ENOX1: variants seen among roughly 807,000 people sequenced by gnomAD.
ENOX1 encodes ecto-NOX disulfide-thiol exchanger 1, also known as candidate growth-related and time keeping constitutive hydroquinone (NADH) oxidase.
A neutral mutation model predicts 82.5 loss-of-function variants in ENOX1; 42 were observed. That is an observed-to-expected ratio of 0.51 (90% confidence interval 0.40 to 0.66). ENOX1 has a LOEUF of 0.66. Among genes scored for constraint, ENOX1 ranks in the 30% least tolerant of loss-of-function variants. ENOX1 has a pLI of 0.00. For synonymous variants in ENOX1, 271 were observed against 282.2 expected, an observed-to-expected ratio of 0.96 and a Z score of 0.40; for missense variants, 608 against 811.6, an observed-to-expected ratio of 0.75 and a Z score of 3.05.
At chr13:43,290,759 G>T (rs115646138) in intron 12 of ENOX1, among the ~76,000 whole-genome samples, 2,308 of 152,312 alleles carry the variant, frequency 0.015, 59 homozygotes, top group African/African-American at 0.053. Context: ...GGGTGCAGCG[G>T]CTCCCGCCTG....
intron 1 of ENOX1, among the ~76,000 whole-genome samples, chr13:43,771,014 T>C (rs1287391127): frequency 2.0e-5 from 3 of 152,132 alleles, no homozygotes; most frequent in Admixed American, 1.3e-4. Context: ...ATTATAAAAT[T>C]CCATGATGAA....
At chr13:43,295,893 C>T (rs1052128530) in intron 12 of ENOX1, among the ~76,000 whole-genome samples, 8 of 152,126 alleles carry the variant, frequency 5.3e-5, no homozygotes, top group Non-Finnish European at 8.8e-5. Flanking sequence ...AGCCATACAC[C>T]GCCTAACAAC....
At chr13:43,264,478 T>C (rs994493177) in intron 14 of ENOX1, among the ~76,000 whole-genome samples, 10 of 152,220 alleles carry the variant, frequency 6.6e-5, no homozygotes, top group African/African-American at 2.4e-4. Context: ...ATGTTAAATA[T>C]CTGCTGGGTA....
chr13:43,667,079 G>A (rs1462583946), intron 2 of ENOX1, among the ~76,000 whole-genome samples: 2 of 152,204 alleles, frequency 1.3e-5, no homozygotes, highest in East Asian at 3.9e-4. Context: ...AATTTAGAAG[G>A]ATAACTTTAG....
intron 2 of ENOX1, among the ~76,000 whole-genome samples, chr13:43,652,341 T>G (rs753096698): frequency 4.6e-5 from 7 of 152,158 alleles, no homozygotes; most frequent in Non-Finnish European, 1.0e-4. Flanking sequence ...AACTTAAGTT[T>G]TGAGTCAATG....
chr13:43,400,391 T>G (rs2053427149), intron 5 of ENOX1, among the ~76,000 whole-genome samples: 1 of 152,252 alleles, frequency 6.6e-6, no homozygotes, highest in Non-Finnish European at 1.5e-5. Flanking sequence ...CTCTGCATTC[T>G]GGACTTCCCA....
intron 8 of ENOX1, among the ~76,000 whole-genome samples, chr13:43,354,451 C>G (rs567013252): frequency 1.3e-5 from 2 of 150,872 alleles, no homozygotes; most frequent in East Asian, 3.9e-4. Context: ...ATTGGAAGCA[C>G]AGCACCCCCG....
intron 2 of ENOX1, among the ~76,000 whole-genome samples, chr13:43,491,356 G>T (rs1397897313): frequency 6.6e-6 from 1 of 152,060 alleles, no homozygotes. Context: ...GATTTGGAGG[G>T]GACAAACATC....
At chr13:43,337,250 A>G (rs2048766249) in intron 9 of ENOX1, among the ~76,000 whole-genome samples, 1 of 152,166 alleles carries the variant, frequency 6.6e-6, no homozygotes, top group Non-Finnish European at 1.5e-5. Flanking sequence ...TAGGTCTTCT[A>G]TGTGCTTACA....
At chr13:43,562,668 G>C (rs1056299792) in intron 2 of ENOX1, among the ~76,000 whole-genome samples, 13 of 152,068 alleles carry the variant, frequency 8.5e-5, no homozygotes, top group African/African-American at 2.7e-4. Flanking sequence ...CACCTATAAA[G>C]ACACACATAG....
At chr13:43,689,056 T>G (rs768861841) in intron 1 of ENOX1, among the ~76,000 whole-genome samples, 2 of 152,138 alleles carry the variant, frequency 1.3e-5, no homozygotes, top group African/African-American at 2.4e-5. Context: ...GATGGCAGCA[T>G]CCATCCTACT....
chr13:43,513,467 T>C (rs2077446165), intron 2 of ENOX1, among the ~76,000 whole-genome samples: 1 of 152,172 alleles, frequency 6.6e-6, no homozygotes, highest in Admixed American at 6.5e-5. Flanking sequence ...CACTCTTCTA[T>C]GATCATTTAT....
chr13:43,672,642 A>C (rs2085323522), intron 1 of ENOX1, among the ~76,000 whole-genome samples: 1 of 152,198 alleles, frequency 6.6e-6, no homozygotes, highest in South Asian at 2.1e-4. Flanking sequence ...CTCATATTAT[A>C]TCTGCATATC....
chr13:43,765,753 C>T (rs554252612), intron 1 of ENOX1, among the ~76,000 whole-genome samples: 95 of 152,160 alleles, frequency 6.2e-4, no homozygotes, highest in African/African-American at 2.2e-3. Flanking sequence ...CTTTATAACT[C>T]GGAAAATAAT....
At chr13:43,578,262 G>C (rs1217820833) in intron 2 of ENOX1, among the ~76,000 whole-genome samples, 1 of 152,100 alleles carries the variant, frequency 6.6e-6, no homozygotes, top group Non-Finnish European at 1.5e-5. Flanking sequence ...TCCTGTGGCT[G>C]AGAAAGATTT....
chr13:43,332,828 A>C (rs1177598826), intron 9 of ENOX1, among the ~76,000 whole-genome samples: 1 of 152,122 alleles, frequency 6.6e-6, no homozygotes, highest in Non-Finnish European at 1.5e-5. Context: ...CTACTGACTA[A>C]ATGAAAGTAA....
intron 11 of ENOX1, among the ~76,000 whole-genome samples, chr13:43,318,365 T>A (rs957520843): frequency 6.6e-6 from 1 of 152,202 alleles, no homozygotes; most frequent in African/African-American, 2.4e-5. Flanking sequence ...TTTTTTCAAA[T>A]GAGTCTTACA....
At chr13:43,710,666 G>GA in intron 1 of ENOX1, among the ~76,000 whole-genome samples, 1 of 152,214 alleles carries the variant, frequency 6.6e-6, no homozygotes, top group South Asian at 2.1e-4. Flanking sequence ...CACAATCAAT[G>GA]AAGAGAAATG....
chr13:43,327,331 C>T (rs1278066445), intron 9 of ENOX1, among the ~76,000 whole-genome samples: 4 of 152,202 alleles, frequency 2.6e-5, no homozygotes, highest in African/African-American at 9.7e-5. Context: ...AGTTCTAACT[C>T]TATTATCTTG....
Sources: gnomAD v4.1 joint callset for allele counts (sites outside exome capture counted in the v4.1 genomes callset) on GRCh38, gnomAD v4.1.1 for gene constraint, MANE v1.5 for transcripts, NCBI Gene and HGNC (gene_info 2026-07-23, HGNC 2026-07-21) for gene names.